Variants in FAM184A observed in about 807,000 individuals in gnomAD.
FAM184A encodes protein FAM184A.
Under a neutral mutation model 143.8 loss-of-function variants are expected in FAM184A, and 99 were observed. The observed-to-expected ratio is 0.69, with a 90% CI of 0.58 to 0.81. The LOEUF is 0.81. FAM184A is among the 40% of genes least tolerant of loss of function. FAM184A has a pLI of 0.00. For missense variants in FAM184A, 1,217 were observed against 1,310.5 expected (o/e 0.93, Z 1.10); for synonymous variants, 427 against 446.4 (o/e 0.96, Z 0.55).
At chr6:118,980,072 T>A (rs1284096541) in intron 10 of FAM184A, 66 bp downstream of exon 10, 3 of 1,438,436 alleles carry the variant, frequency 2.1e-6, no homozygotes, top group East Asian at 2.3e-5. Flanking sequence ...AAAATTTTTT[T>A]AATTTGAAGA....
intron 1 of FAM184A, among the ~76,000 whole-genome samples, chr6:119,097,840 A>G (rs1788547220): frequency 1.3e-5 from 2 of 152,148 alleles, no homozygotes; most frequent in South Asian, 4.1e-4. Flanking sequence ...AGAAACTAAA[A>G]ATATACTCTA....
At chr6:119,114,957 C>A (rs1458422326) in intron 1 of FAM184A, among the ~76,000 whole-genome samples, 2 of 152,182 alleles carry the variant, frequency 1.3e-5, no homozygotes, top group African/African-American at 2.4e-5. Context: ...TGGACTCAAG[C>A]AATCCTCCCA....
chr6:119,089,186 C>CTTTATTTATTTATTTATTTATTTA (rs78123118), intron 1 of FAM184A, among the ~76,000 whole-genome samples: 2 of 142,394 alleles, frequency 1.4e-5, no homozygotes, highest in Admixed American at 6.9e-5. Flanking sequence ...ATCTCTCTCT[C>CTTTATTTATTTATTTATTTATTTA]TTTATTTATT....
chr6:119,037,987 AAGAAGGTAAAACCTT>A, intron 1 of FAM184A, among the ~76,000 whole-genome samples: 1 of 148,756 alleles, frequency 6.7e-6, no homozygotes, highest in Admixed American at 6.6e-5. Context: ...GTCAGAATAC[AAGAAGGTAAAACCTT>A]AGTGTTGAGA....
At chr6:118,994,809 C>A (rs1312739936) in intron 9 of FAM184A, among the ~76,000 whole-genome samples, 1 of 152,050 alleles carries the variant, frequency 6.6e-6, no homozygotes, top group Non-Finnish European at 1.5e-5. Context: ...ATAGGAGACA[C>A]CCAGAAGACT....
intron 1 of FAM184A, among the ~76,000 whole-genome samples, chr6:119,136,176 G>C (rs9489600): frequency 0.017 from 2,587 of 149,496 alleles, 80 homozygotes; most frequent in African/African-American, 0.061. Context: ...TACTCGGGAG[G>C]CTGAGGCAGG....
intron 6 of FAM184A, 128 bp from the exon 7 acceptor site, chr6:119,006,736 G>A (rs1784930974): frequency 2.8e-6 from 2 of 705,886 alleles, no homozygotes; most frequent in Non-Finnish European, 4.4e-6. Context: ...TGATTAATTT[G>A]GAAAAAGCAC....
intron 10 of FAM184A, 91 bp from the exon 11 acceptor site, chr6:118,979,609 T>C: frequency 1.0e-6 from 1 of 969,600 alleles, no homozygotes; most frequent in Non-Finnish European, 1.5e-6. Context: ...TCAGTTATTA[T>C]TTAAGAAATA....
upstream of FAM184A, among the ~76,000 whole-genome samples, chr6:119,079,938 G>C (rs1443693403): frequency 6.6e-6 from 1 of 152,146 alleles, no homozygotes; most frequent in Non-Finnish European, 1.5e-5. Flanking sequence ...GTCTAGTTCC[G>C]AGGTTCTGAA....
At chr6:118,970,842 T>C (rs1200111220) in intron 14 of FAM184A, among the ~76,000 whole-genome samples, 2 of 152,194 alleles carry the variant, frequency 1.3e-5, no homozygotes, top group African/African-American at 2.4e-5. Context: ...TCTGACAATA[T>C]ACAGGTCAAT....
intron 1 of FAM184A, among the ~76,000 whole-genome samples, chr6:119,106,204 A>T (rs1245162911): frequency 6.6e-6 from 1 of 151,138 alleles, no homozygotes; most frequent in Non-Finnish European, 1.5e-5. Flanking sequence ...CATCCTGGCT[A>T]ACACGGTGAA....
intron 9 of FAM184A, among the ~76,000 whole-genome samples, chr6:118,998,471 G>A (rs1784641768): frequency 6.6e-6 from 1 of 152,226 alleles, no homozygotes; most frequent in South Asian, 2.1e-4. Flanking sequence ...GTGAATAGGT[G>A]AGAGAATCAA....
chr6:118,978,747 A>C (rs1783923123), intron 11 of FAM184A, among the ~76,000 whole-genome samples: 1 of 151,898 alleles, frequency 6.6e-6, no homozygotes, highest in Non-Finnish European at 1.5e-5. Context: ...ACATGTTAAA[A>C]ATATTAGCAT....
chr6:119,098,407 C>T (rs1431598154), intron 1 of FAM184A, among the ~76,000 whole-genome samples: 1 of 152,158 alleles, frequency 6.6e-6, no homozygotes, highest in Non-Finnish European at 1.5e-5. Context: ...TAAAGAAAAT[C>T]AGGCAGCTCA....
intron 7 of FAM184A, among the ~76,000 whole-genome samples, chr6:119,004,294 G>C (rs1010921799): frequency 7.9e-5 from 12 of 152,244 alleles, no homozygotes; most frequent in Admixed American, 6.5e-5. Context: ...AAGAGGAGCA[G>C]ATGATGGTCT....
chr6:118,961,949 ATTC>A lies in FAM184A; in HGVS notation c.3150_3152del (p.Lys1050del), dbSNP rs755104527. 40 of 1,613,718 alleles carry A rather than the reference ATTC, an allele frequency of 2.5e-5. No individual in the cohort carries two copies. The highest frequency in any genetic ancestry group is 4.0e-5 in the African/African-American group (3 of 74,892). On this transcript the variant is annotated inframe_deletion, in exon 17 of 18. Coordinates refer to ENST00000338891, the MANE Select transcript of FAM184A (RefSeq NM_024581.6). ...CAAACCTGTTTGTTGGTGATTTATC[ATTC>A]TTCTTCTTTTGCTGCATTAAAAATA...
At chr6:118,971,369 C>CT (rs1281712438) in intron 14 of FAM184A, among the ~76,000 whole-genome samples, 1 of 152,160 alleles carries the variant, frequency 6.6e-6, no homozygotes, top group Non-Finnish European at 1.5e-5. Context: ...TATTTAAAAT[C>CT]TAAGTATAGA....
Position 118,991,441 on chromosome 6 carries a change from G to A in FAM184A, c.2089-11091C>T, listed in dbSNP as rs150588215. Among the ~76,000 whole-genome samples, 1,136 of 152,226 alleles carry A rather than the reference G, an allele frequency of 7.5e-3. 6 individuals carry two copies. Among genetic ancestry groups the A allele is most frequent in the South Asian group, 0.024 (116 of 4,830 alleles). On this transcript the variant is annotated intron_variant, in intron 9 of 17. Coordinates refer to ENST00000338891, the MANE Select transcript of FAM184A (RefSeq NM_024581.6). ...GCCTCCTAAAGTGCTGGGATTACAG[G>A]TGTGAGCCACCGTTCCCGGCCAGAA...
intron 6 of FAM184A, among the ~76,000 whole-genome samples, chr6:119,010,826 C>A (rs2114658300): frequency 6.6e-6 from 1 of 152,104 alleles, no homozygotes; most frequent in East Asian, 1.9e-4. Flanking sequence ...AATCCTTAAC[C>A]CACCTGGAAC....
Sources: allele counts gnomAD v4.1 joint callset (sites outside exome capture counted in the v4.1 genomes callset), GRCh38; gene constraint gnomAD v4.1.1; transcripts MANE v1.5; gene names NCBI Gene and HGNC (gene_info 2026-07-23, HGNC 2026-07-21).